Variants in ARHGAP15 observed in about 807,000 individuals in gnomAD.
ARHGAP15 encodes Rho GTPase activating protein 15.
Under a neutral mutation model 63.7 loss-of-function variants are expected in ARHGAP15, and 51 were observed. The ratio of observed to expected loss-of-function variants is 0.80; its 90% CI spans 0.64 to 1.01. The LOEUF (loss-of-function observed/expected upper bound fraction) is 1.01. ARHGAP15 is among the 50% of genes least tolerant of loss of function. The probability of loss-of-function intolerance (pLI) is 0.00; values close to 1 mark genes in which losing one functional copy is unlikely to be tolerated. For missense variants in ARHGAP15, 560 were observed against 564.6 expected (o/e 0.99, Z 0.08); for synonymous variants, 191 against 193.8 (o/e 0.99, Z 0.12).
At chr2:143,666,253 G>T (rs1426880765) in intron 12 of ARHGAP15, among the ~76,000 whole-genome samples, 1 of 146,170 alleles carries the variant, frequency 6.8e-6, no homozygotes, top group African/African-American at 2.5e-5. Flanking sequence ...AGAGCCCTCA[G>T]AAATAATGCC....
At chr2:143,318,552 G>A (rs1472528943) in intron 6 of ARHGAP15, among the ~76,000 whole-genome samples, 1 of 77,896 alleles carries the variant, frequency 1.3e-5, no homozygotes, top group Non-Finnish European at 2.3e-5. Context: ...GTCAATACAA[G>A]AGACAAGAAT....
intron 6 of ARHGAP15, among the ~76,000 whole-genome samples, chr2:143,394,780 G>A (rs1687688080): frequency 6.6e-6 from 1 of 152,128 alleles, no homozygotes; most frequent in African/African-American, 2.4e-5. Context: ...TTAGAGTTAA[G>A]GAGACTGGAG....
At chr2:143,606,578 G>A (rs1302454374) in intron 11 of ARHGAP15, among the ~76,000 whole-genome samples, 1 of 152,172 alleles carries the variant, frequency 6.6e-6, no homozygotes, top group Admixed American at 6.5e-5. Flanking sequence ...CGTGAGCAAT[G>A]TATAACAATC....
chr2:143,518,657 A>T (rs1369696916), intron 9 of ARHGAP15, among the ~76,000 whole-genome samples: 10 of 152,198 alleles, frequency 6.6e-5, no homozygotes, highest in Non-Finnish European at 1.5e-5. Flanking sequence ...AACCTGTGTC[A>T]CAGGAGACAC....
rs1410910134 is a variant in ARHGAP15 at position 143,487,495 on chromosome 2, G to C, written c.826G>C (p.Asp276His). The C allele has an allele frequency of 6.2e-7, 1 of 1,611,216 alleles. No homozygotes were observed. The highest frequency in any genetic ancestry group is 1.3e-5 in the African/African-American group (1 of 74,696). ...KTLQEKGLIK[D>H]QIFGSHLHKV... ...TCTGCAAGAAAAAGGACTTATTAAAGGTACAGGTCATTTTATACTTGTACT... is the reference window on the plus strand; with the variant it reads ...TCTGCAAGAAAAAGGACTTATTAAACGTACAGGTCATTTTATACTTGTACT... The change falls in exon 9 of 14, where the codon GAT becomes CAT. Residue 276 changes from aspartate to histidine, a missense_variant and splice_region_variant. Asp to His is a moderately conservative substitution (Grantham distance 81). Transcript: ENST00000295095.
At chr2:143,177,204 T>C (rs557734368) in intron 2 of ARHGAP15, among the ~76,000 whole-genome samples, 3 of 152,358 alleles carry the variant, frequency 2.0e-5, no homozygotes, top group African/African-American at 7.2e-5. Flanking sequence ...CTCTCTTTTA[T>C]ATGCTGTCTT....
intron 12 of ARHGAP15, among the ~76,000 whole-genome samples, chr2:143,667,448 A>G (rs1446054520): frequency 7.0e-6 from 1 of 143,752 alleles, no homozygotes; most frequent in Non-Finnish European, 1.5e-5. Context: ...GAGAGATAGC[A>G]TTGGGAGATA....
intron 11 of ARHGAP15, among the ~76,000 whole-genome samples, chr2:143,571,305 G>GA: frequency 6.6e-6 from 1 of 152,260 alleles, no homozygotes; most frequent in Middle Eastern, 3.4e-3. Flanking sequence ...TACAATCTGT[G>GA]AAAAAATTGT....
Position 143,154,656 on chromosome 2 carries a change from T to C in ARHGAP15, c.-14-821T>C, listed in dbSNP as rs202164296. 2.6e-5 allele frequency among the ~76,000 whole-genome samples: 4 copies of C among 151,900 alleles called. No homozygotes were observed. The East Asian group carries it at 7.8e-4, about 30-fold the overall frequency. ...GGTGCTGTGTTCACTTGAGGAACTTTTGGGGAGGGACATTTGAAGAGGATT... is the reference window on the plus strand; with the variant it reads ...GGTGCTGTGTTCACTTGAGGAACTTCTGGGGAGGGACATTTGAAGAGGATT... On this transcript the variant is annotated intron_variant, in intron 1 of 13. Transcript: ENST00000295095.
At chr2:143,656,130 A>G (rs556152480) in intron 12 of ARHGAP15, 46 of 152,328 alleles carry the variant, frequency 3.0e-4, no homozygotes, top group African/African-American at 9.9e-4. Flanking sequence ...CTTACCTTGC[A>G]TACAAGATGA....
In ARHGAP15 at chr2:143,358,446, C is replaced by CAT. The variant is rs536115419; in HGVS notation, c.475-77154_475-77153dup. 1.6e-3 allele frequency among the ~76,000 whole-genome samples: 240 copies of CAT among 151,430 alleles called. 1 individual carries two copies. The highest frequency in any genetic ancestry group is 5.5e-3 in the African/African-American group (228 of 41,236). On this transcript the variant is annotated intron_variant, in intron 6 of 13. Transcript: ENST00000295095. ...ATCTTCAAAAATCACCAAAACCAAT[C>CAT]ATTAAAAGCCACATTTAATATGACA...
At chr2:143,692,984 A>G (rs948701615) in intron 12 of ARHGAP15, among the ~76,000 whole-genome samples, 5 of 152,144 alleles carry the variant, frequency 3.3e-5, no homozygotes, top group African/African-American at 4.8e-5. Context: ...TCTTCAAAGG[A>G]AGAGGGGTCT....
intron 6 of ARHGAP15, among the ~76,000 whole-genome samples, chr2:143,420,282 G>C (rs771738385): frequency 4.6e-5 from 7 of 152,118 alleles, no homozygotes; most frequent in Non-Finnish European, 1.0e-4. Context: ...ATAATGACAT[G>C]GGGAAAGAAA....
chr2:143,513,124 A>C (rs1357921258), intron 9 of ARHGAP15, among the ~76,000 whole-genome samples: 1 of 152,208 alleles, frequency 6.6e-6, no homozygotes, highest in African/African-American at 2.4e-5. Context: ...ATAAGTGAGA[A>C]GAACAGTTTT....
intron 11 of ARHGAP15, among the ~76,000 whole-genome samples, chr2:143,590,070 A>G (rs1308498852): frequency 6.6e-6 from 1 of 152,194 alleles, no homozygotes; most frequent in Non-Finnish European, 1.5e-5. Flanking sequence ...TCCATGAAGC[A>G]GTCACTGCTT....
chr2:143,409,333 C>CT lies in ARHGAP15; in HGVS notation c.475-26258dup, dbSNP rs536066223. On this transcript the variant is annotated intron_variant, in intron 6 of 13. Transcript: ENST00000295095. ...TTTGATGGGACACTAATGAGAGAAT[C>CT]TTTTTTTTTTAACCAAATAGAATCT... Among the ~76,000 whole-genome samples, 1,054 of 148,414 alleles carry CT rather than the reference C, an allele frequency of 7.1e-3. 7 individuals are homozygous for CT. Among genetic ancestry groups the CT allele is most frequent in the African/African-American group, 0.024 (983 of 40,528 alleles).
At chr2:143,378,413 A>C (rs904288140) in intron 6 of ARHGAP15, among the ~76,000 whole-genome samples, 6 of 152,066 alleles carry the variant, frequency 3.9e-5, no homozygotes, top group African/African-American at 1.4e-4. Flanking sequence ...CTCTTGGCAT[A>C]TTGGGGTCAA....
At chr2:143,394,373 A>C (rs987566921) in intron 6 of ARHGAP15, among the ~76,000 whole-genome samples, 4 of 152,198 alleles carry the variant, frequency 2.6e-5, no homozygotes, top group African/African-American at 7.2e-5. Context: ...TAAAAAAAGA[A>C]GACTGCAAAA....
At chr2:143,398,767 AAAAT>A (rs1316044017) in intron 6 of ARHGAP15, among the ~76,000 whole-genome samples, 1 of 85,408 alleles carries the variant, frequency 1.2e-5, no homozygotes, top group African/African-American at 4.7e-5. Flanking sequence ...ATAAATGAAA[AAAAT>A]CCTCATTTTT....
Sources: gnomAD v4.1 joint callset for allele counts (sites outside exome capture counted in the v4.1 genomes callset) on GRCh38, gnomAD v4.1.1 for gene constraint, MANE v1.5 for transcripts, NCBI Gene and HGNC (gene_info 2026-07-23, HGNC 2026-07-21) for gene names.